The following COG5 variants were observed in gnomAD, a reference collection of about 807,000 sequenced individuals.
COG5 encodes the protein conserved oligomeric Golgi complex subunit 5.
COG5 carries 86 observed loss-of-function variants against 110.4 expected under a neutral mutation model. That is an observed-to-expected ratio of 0.78 (90% CI 0.65 to 0.93). The LOEUF (loss-of-function observed/expected upper bound fraction) is 0.93, where lower values mean the gene tolerates loss of function less well. Ranked by LOEUF, COG5 falls within the 40% of genes least tolerant of loss-of-function variation. COG5 has a pLI of 0.00. For synonymous variants in COG5, 360 were observed against 334.6 expected (o/e 1.08, Z -0.83); for missense variants, 1,077 against 987.0 (o/e 1.09, Z -1.22).
chr7:107,302,742 T>G (rs1463768803), intron 11 of COG5, among the ~76,000 whole-genome samples: 1 of 152,164 alleles, frequency 6.6e-6, no homozygotes, highest in South Asian at 2.1e-4. Context: ...TGCAGACAGA[T>G]AGCAGACTCA....
chr7:107,372,849 A>T (rs1481341474), intron 7 of COG5, 89 bp from the exon 8 acceptor site: 4 of 1,257,624 alleles, frequency 3.2e-6, no homozygotes, highest in Non-Finnish European at 4.5e-6. Flanking sequence ...GCAGGACTTC[A>T]GCAGTCCTAT....
intron 6 of COG5, among the ~76,000 whole-genome samples, chr7:107,483,782 A>G (rs1202097334): frequency 6.6e-6 from 1 of 151,924 alleles, no homozygotes; most frequent in Admixed American, 6.6e-5. Flanking sequence ...ATAGAAAAAT[A>G]TTTGCCAAGT....
intron 11 of COG5, among the ~76,000 whole-genome samples, chr7:107,319,802 CA>C (rs1185009702): frequency 6.6e-6 from 1 of 151,970 alleles, no homozygotes; most frequent in Non-Finnish European, 1.5e-5. Context: ...TCTCCAGTTT[CA>C]AAAAACATCA....
intron 6 of COG5, among the ~76,000 whole-genome samples, chr7:107,449,249 G>C (rs1402241185): frequency 1.3e-5 from 2 of 152,092 alleles, no homozygotes; most frequent in Non-Finnish European, 2.9e-5. Context: ...CCTAGATGAT[G>C]GGTTGATAGA....
At chr7:107,275,692 T>TA (rs1804650963) in intron 14 of COG5, among the ~76,000 whole-genome samples, 1 of 151,940 alleles carries the variant, frequency 6.6e-6, no homozygotes, top group African/African-American at 2.4e-5. Context: ...CCTGACTAAT[T>TA]TTTGTACTTT....
chr7:107,258,650 A>G (rs1803076882), intron 14 of COG5: 1 of 491,474 alleles, frequency 2.0e-6, no homozygotes, highest in Admixed American at 3.5e-5. Flanking sequence ...AGCTCCATTT[A>G]TACTTCACAG....
At chr7:107,256,900 A>G (rs983982751) in intron 15 of COG5, 106 bp from the exon 16 acceptor site, 10 of 748,084 alleles carry the variant, frequency 1.3e-5, no homozygotes, top group African/African-American at 5.2e-5. Flanking sequence ...TATATATACA[A>G]TATTATCATT....
intron 10 of COG5, among the ~76,000 whole-genome samples, chr7:107,355,352 T>C (rs971870319): frequency 6.6e-6 from 1 of 152,198 alleles, no homozygotes; most frequent in Non-Finnish European, 1.5e-5. Flanking sequence ...AAAAACAGTT[T>C]GGCAGTTTCT....
intron 7 of COG5, among the ~76,000 whole-genome samples, chr7:107,401,926 T>C (rs755214168): frequency 1.3e-5 from 2 of 152,230 alleles, no homozygotes; most frequent in Non-Finnish European, 2.9e-5. Context: ...GACCTTCTTT[T>C]TGAAGCTTAA....
intron 7 of COG5, among the ~76,000 whole-genome samples, chr7:107,386,472 C>T (rs1007139195): frequency 6.6e-5 from 10 of 152,018 alleles, no homozygotes; most frequent in African/African-American, 1.7e-4. Context: ...GGAGGAAGCA[C>T]GACGGACCGC....
At chr7:107,416,123 A>G (rs1792827176) in intron 6 of COG5, among the ~76,000 whole-genome samples, 1 of 151,724 alleles carries the variant, frequency 6.6e-6, no homozygotes. Flanking sequence ...TGTATGCCCC[A>G]TGACTAAAAT....
intron 11 of COG5, among the ~76,000 whole-genome samples, chr7:107,300,701 C>A (rs1302236756): frequency 2.6e-5 from 4 of 152,208 alleles, no homozygotes; most frequent in African/African-American, 7.2e-5. Flanking sequence ...AGAATATTCA[C>A]AGTTCCAAGA....
At chr7:107,434,197 G>A (rs1281356409) in intron 6 of COG5, among the ~76,000 whole-genome samples, 1 of 152,080 alleles carries the variant, frequency 6.6e-6, no homozygotes, top group Non-Finnish European at 1.5e-5. Flanking sequence ...AGAAAAATTG[G>A]AACCTTTGTG....
At chr7:107,215,726 CT>C (rs113400420) in intron 19 of COG5, among the ~76,000 whole-genome samples, 23,409 of 146,394 alleles carry the variant, frequency 0.16, 2,208 homozygotes, top group Non-Finnish European at 0.22. Context: ...CAACTCACTT[CT>C]TTTTTTTTTT....
chr7:107,394,295 TAAAA>T (rs201411444), intron 7 of COG5, among the ~76,000 whole-genome samples: 2 of 139,846 alleles, frequency 1.4e-5, no homozygotes, highest in African/African-American at 5.2e-5. Context: ...AAAAGATACT[TAAAA>T]AAAAAAAAAA....
intron 6 of COG5, among the ~76,000 whole-genome samples, chr7:107,438,423 T>C (rs976469149): frequency 6.6e-6 from 1 of 152,226 alleles, no homozygotes; most frequent in Non-Finnish European, 1.5e-5. Flanking sequence ...TTCTCTAAAA[T>C]GTATTGTTCT....
At chr7:107,487,680 A>G (rs78876682) in intron 6 of COG5, among the ~76,000 whole-genome samples, 2,300 of 152,244 alleles carry the variant, frequency 0.015, 63 homozygotes, top group African/African-American at 0.05. Flanking sequence ...ACAACTGTGC[A>G]AAGATGTATG....
At chr7:107,394,214 C>T (rs1053743107) in intron 7 of COG5, among the ~76,000 whole-genome samples, 6 of 151,432 alleles carry the variant, frequency 4.0e-5, no homozygotes, top group Admixed American at 1.3e-4. Context: ...CCGCCTGCCT[C>T]GGCCTCCCAA....
At chr7:107,398,468 C>G (rs1409979559) in intron 7 of COG5, among the ~76,000 whole-genome samples, 5 of 152,036 alleles carry the variant, frequency 3.3e-5, no homozygotes, top group Non-Finnish European at 5.9e-5. Flanking sequence ...GAGTGCGAAC[C>G]CTATTGCTAA....
Sources: allele counts gnomAD v4.1 joint callset (sites outside exome capture counted in the v4.1 genomes callset), GRCh38; gene constraint gnomAD v4.1.1; transcripts MANE v1.5; gene names NCBI Gene and HGNC (gene_info 2026-07-23, HGNC 2026-07-21).